The following LRMDA variants were observed in gnomAD, a reference collection of about 807,000 sequenced individuals.
The protein encoded by LRMDA is leucine rich melanocyte differentiation associated.
In LRMDA, 18 loss-of-function variants were observed where a neutral mutation model predicts 29.8. The ratio of observed to expected loss-of-function variants is 0.60; its 90% CI spans 0.42 to 0.90. The LOEUF (loss-of-function observed/expected upper bound fraction) is 0.90, where lower values mean the gene tolerates loss of function less well. LRMDA is among the 40% of genes least tolerant of loss of function. LRMDA has a pLI of 0.00. For synonymous variants in LRMDA, 125 were observed against 109.4 expected (o/e 1.14, Z -0.89); for missense variants, 273 against 273.9 (o/e 1.00, Z 0.02).
chr10:76,036,720 A>G (rs1012070701), intron 3 of LRMDA, among the ~76,000 whole-genome samples: 2 of 152,128 alleles, frequency 1.3e-5, no homozygotes, highest in African/African-American at 2.4e-5. Context: ...ACGACAGTGT[A>G]TGGCCTCCTC....
At chr10:76,254,364 CTATGCTATG>C (rs1564701549) in intron 5 of LRMDA, among the ~76,000 whole-genome samples, 52 of 132,714 alleles carry the variant, frequency 3.9e-4, no homozygotes, top group African/African-American at 1.3e-3. Flanking sequence ...CTATCCTATG[CTATGCTATG>C]CTATGCTATG....
intron 2 of LRMDA, among the ~76,000 whole-genome samples, chr10:75,884,457 C>T (rs1845348960): frequency 6.6e-6 from 1 of 152,098 alleles, no homozygotes; most frequent in Non-Finnish European, 1.5e-5. Context: ...AGTCCAAAGT[C>T]TTAGTTCAAG....
At chr10:76,182,334 A>G (rs1044317157) in intron 5 of LRMDA, among the ~76,000 whole-genome samples, 5 of 152,204 alleles carry the variant, frequency 3.3e-5, no homozygotes, top group African/African-American at 4.8e-5. Context: ...CCCATGATCC[A>G]ATCACCTCCC....
intron 5 of LRMDA, among the ~76,000 whole-genome samples, chr10:76,099,417 T>G (rs1408396424): frequency 1.3e-5 from 2 of 149,894 alleles, no homozygotes; most frequent in African/African-American, 2.5e-5. Context: ...TTTATTCATC[T>G]CTGCTTTGTC....
chr10:76,405,708 T>C (rs757254500), intron 6 of LRMDA, among the ~76,000 whole-genome samples: 13 of 152,212 alleles, frequency 8.5e-5, no homozygotes, highest in Non-Finnish European at 1.6e-4. Context: ...GACAATCACA[T>C]TGTGGCCTTT....
intron 5 of LRMDA, among the ~76,000 whole-genome samples, chr10:76,195,242 T>G (rs1233433437): frequency 4.6e-5 from 7 of 152,210 alleles, no homozygotes. Flanking sequence ...AAGACACAAC[T>G]TCCGGTTCTG....
chr10:76,035,079 A>AT (rs1848217743), intron 2 of LRMDA, among the ~76,000 whole-genome samples: 1 of 147,370 alleles, frequency 6.8e-6, no homozygotes, highest in East Asian at 2.0e-4. Context: ...AAGCAAGGCT[A>AT]TTTTTCCCTT....
chr10:76,076,962 C>G, intron 5 of LRMDA, among the ~76,000 whole-genome samples: 1 of 152,218 alleles, frequency 6.6e-6, no homozygotes, highest in East Asian at 1.9e-4. Context: ...TTTCTTTGTG[C>G]TCCACGTTAC....
chr10:76,462,644 G>A (rs1195323074), intron 6 of LRMDA, among the ~76,000 whole-genome samples: 1 of 152,144 alleles, frequency 6.6e-6, no homozygotes, highest in Non-Finnish European at 1.5e-5. Context: ...TGCCTGTGCT[G>A]AGTGGTGTGT....
At position 76,202,919 on chromosome 10, in the gene LRMDA, A is replaced by C. The variant is rs185293012; in HGVS notation, c.517-121482A>C. On this transcript the variant is annotated intron_variant, in intron 5 of 6. Coordinates refer to ENST00000611255, the MANE Select transcript of LRMDA (RefSeq NM_001305581.2). ...TCTGCGGAGAAATCACCAGCTTAGC[A>C]ACACTAAATGGCAAGGCATTTGTGG... 2.5e-4 allele frequency among the ~76,000 whole-genome samples: 38 copies of C among 152,300 alleles called. 1 individual carries two copies. Among genetic ancestry groups the C allele is most frequent in the African/African-American group, 9.1e-4 (38 of 41,568 alleles).
chr10:75,849,519 C>T (rs895775927), intron 2 of LRMDA, among the ~76,000 whole-genome samples: 8 of 152,078 alleles, frequency 5.3e-5, no homozygotes, highest in Non-Finnish European at 1.2e-4. Flanking sequence ...AGCCAAACAC[C>T]GCATGTTCTC....
At chr10:76,109,295 G>A (rs1389664654) in intron 5 of LRMDA, among the ~76,000 whole-genome samples, 1 of 152,200 alleles carries the variant, frequency 6.6e-6, no homozygotes, top group Non-Finnish European at 1.5e-5. Context: ...CTTTTGGTCT[G>A]CTGGTAAAAG....
chr10:76,499,810 A>G lies in LRMDA; in HGVS notation c.602-57399A>G, dbSNP rs1842898926. On this transcript the variant is annotated intron_variant, in intron 6 of 6. Transcript: ENST00000611255. ...TCTCCTTAGTCTTTTTAAATCTGGA[A>G]CATTTCATCATTTTTTAACTTTGAG... Among the ~76,000 whole-genome samples, 3 of 74,896 alleles carry G rather than the reference A, an allele frequency of 4.0e-5. 1 individual carries two copies. The South Asian group carries it at 1.1e-3, about 27-fold the overall frequency. The allele number at this position is 74,896 out of a possible 152,430, so 49.1% of individuals were successfully genotyped here.
chr10:75,641,208 G>A (rs1403326579), intron 2 of LRMDA, among the ~76,000 whole-genome samples: 4 of 152,130 alleles, frequency 2.6e-5, no homozygotes, highest in Admixed American at 2.0e-4. Flanking sequence ...AAGGGCCAGT[G>A]CACCCTTGGG....
At chr10:76,178,566 A>G (rs568761142) in intron 5 of LRMDA, among the ~76,000 whole-genome samples, 1 of 152,314 alleles carries the variant, frequency 6.6e-6, no homozygotes, top group Non-Finnish European at 1.5e-5. Flanking sequence ...GGATGGTGGT[A>G]GGGAAACAGG....
intron 2 of LRMDA, among the ~76,000 whole-genome samples, chr10:75,935,831 C>T (rs1846281228): frequency 6.6e-6 from 1 of 152,022 alleles, no homozygotes; most frequent in Non-Finnish European, 1.5e-5. Context: ...CAGGCCTGCC[C>T]TCCTCCCAGA....
At chr10:76,463,145 G>T (rs1842530026) in intron 6 of LRMDA, among the ~76,000 whole-genome samples, 1 of 152,096 alleles carries the variant, frequency 6.6e-6, no homozygotes, top group Admixed American at 6.5e-5. Context: ...GCCCTTCTTT[G>T]ATCAGCACTT....
chr10:75,850,475 C>G (rs1384121196), intron 2 of LRMDA, among the ~76,000 whole-genome samples: 2 of 152,112 alleles, frequency 1.3e-5, no homozygotes, highest in African/African-American at 4.8e-5. Context: ...TTTCTTTCTT[C>G]TCAGTTTTTA....
intron 3 of LRMDA, among the ~76,000 whole-genome samples, chr10:76,037,101 G>A (rs965718971): frequency 6.6e-6 from 1 of 152,208 alleles, no homozygotes; most frequent in Non-Finnish European, 1.5e-5. Flanking sequence ...CCTGTGAGAA[G>A]GGTGTGTCTT....
Sources: allele counts gnomAD v4.1 joint callset (sites outside exome capture counted in the v4.1 genomes callset), GRCh38; gene constraint gnomAD v4.1.1; transcripts MANE v1.5; gene names NCBI Gene and HGNC (gene_info 2026-07-23, HGNC 2026-07-21).